The following HLF variants were observed in gnomAD, a reference collection of about 807,000 sequenced individuals.
The protein encoded by HLF is hepatic leukemia factor.
HLF carries 3 observed loss-of-function variants against 22.6 expected under a neutral mutation model. The ratio of observed to expected loss-of-function variants is 0.13; its 90% confidence interval spans 0.06 to 0.34. HLF has a LOEUF of 0.34. Among genes scored for constraint, HLF ranks in the 10% least tolerant of loss-of-function variants. The probability of loss-of-function intolerance (pLI) is 1.00; values close to 1 mark genes in which losing one functional copy is unlikely to be tolerated. For missense variants in HLF, 299 were observed against 389.2 expected (o/e 0.77, Z 1.95); for synonymous variants, 151 against 151.8 (o/e 0.99, Z 0.04).
chr17:55,282,227 A>C (rs1420515827), intron 2 of HLF, among the ~76,000 whole-genome samples: 1 of 152,242 alleles, frequency 6.6e-6, no homozygotes, highest in African/African-American at 2.4e-5. Context: ...TCTAAAATGC[A>C]CTTGTAGTTA....
At chr17:55,276,415 A>G (rs1253421096) in intron 2 of HLF, among the ~76,000 whole-genome samples, 7 of 152,238 alleles carry the variant, frequency 4.6e-5, no homozygotes, top group African/African-American at 1.7e-4. Context: ...ATTAATCAAG[A>G]AAATGAATAT....
intron 3 of HLF, among the ~76,000 whole-genome samples, chr17:55,317,062 G>A (rs991280588): frequency 6.4e-5 from 9 of 140,594 alleles, no homozygotes; most frequent in Admixed American, 1.5e-4. Flanking sequence ...CCGCCTCCCC[G>A]GTTCAAGCCA....
intron 2 of HLF, among the ~76,000 whole-genome samples, chr17:55,298,547 T>C (rs968157047): frequency 3.3e-5 from 5 of 152,204 alleles, no homozygotes; most frequent in African/African-American, 1.2e-4. Context: ...CTAATCTTAG[T>C]GCAAGCTGGA....
intron 2 of HLF, chr17:55,272,187 G>A (rs769811391): frequency 6.6e-6 from 1 of 152,354 alleles, no homozygotes; most frequent in Non-Finnish European, 1.5e-5. Flanking sequence ...TTTAGATACT[G>A]TCAGAGGTGG....
At chr17:55,308,556 AT>A (rs888408300) in intron 2 of HLF, among the ~76,000 whole-genome samples, 1 of 152,124 alleles carries the variant, frequency 6.6e-6, no homozygotes, top group Admixed American at 6.5e-5. Flanking sequence ...TTAGAGGGGC[AT>A]TTTTTGGGGG....
At chr17:55,277,155 C>G (rs1380712610) in intron 2 of HLF, among the ~76,000 whole-genome samples, 2 of 152,102 alleles carry the variant, frequency 1.3e-5, no homozygotes, top group Non-Finnish European at 2.9e-5. Context: ...AAACCCAACT[C>G]ATTAACGTTC....
chr17:55,296,821 T>C (rs2081115268), intron 2 of HLF, among the ~76,000 whole-genome samples: 1 of 152,190 alleles, frequency 6.6e-6, no homozygotes, highest in Non-Finnish European at 1.5e-5. Context: ...AGCTGTTTCC[T>C]CTTCCATTCA....
intron 2 of HLF, among the ~76,000 whole-genome samples, chr17:55,294,436 T>G (rs2081093797): frequency 6.6e-6 from 1 of 152,216 alleles, no homozygotes; most frequent in Non-Finnish European, 1.5e-5. Context: ...CTCCATGTGC[T>G]TTTCAGAGAC....
At chr17:55,265,870 G>T (rs961979832) in intron 1 of HLF, 61 of 1,226,342 alleles carry the variant, frequency 5.0e-5, no homozygotes, top group Non-Finnish European at 5.7e-5. Flanking sequence ...GCGCGGGTGG[G>T]AGGTGTAACT....
chr17:55,304,714 G>A (rs948131273), intron 2 of HLF, among the ~76,000 whole-genome samples: 2 of 152,180 alleles, frequency 1.3e-5, no homozygotes, highest in African/African-American at 4.8e-5. Context: ...AGGGAAATGG[G>A]AGCTGGGGAG....
chr17:55,319,705 G>A (rs1905196245), intron 3 of HLF, among the ~76,000 whole-genome samples: 1 of 152,018 alleles, frequency 6.6e-6, no homozygotes, highest in African/African-American at 2.4e-5. Context: ...ACATTGATTA[G>A]CGGCAGGTTG....
intron 1 of HLF, chr17:55,266,739 T>C: frequency 1.4e-6 from 1 of 705,030 alleles, no homozygotes; most frequent in Non-Finnish European, 1.7e-6. Context: ...TGTGTTTCTC[T>C]GAAGATGAAA....
chr17:55,273,737 G>C (rs565160739), intron 2 of HLF: 11 of 151,304 alleles, frequency 7.3e-5, no homozygotes, highest in African/African-American at 1.9e-4. Flanking sequence ...GCCCAACGCT[G>C]TGTGGTGTGC....
intron 2 of HLF, 54 bp downstream of exon 2, chr17:55,268,140 C>A: frequency 7.8e-7 from 1 of 1,285,574 alleles, no homozygotes; most frequent in Non-Finnish European, 1.1e-6. Context: ...GTGAATGGGA[C>A]AGGCAAGGTA....
intron 2 of HLF, among the ~76,000 whole-genome samples, chr17:55,292,271 A>G (rs539623724): frequency 6.6e-6 from 1 of 152,358 alleles, no homozygotes; most frequent in African/African-American, 2.4e-5. Flanking sequence ...TGAAAGGAAG[A>G]GTCAATTGAT....
At chr17:55,283,355 G>A (rs1175774250) in intron 2 of HLF, 1 of 152,296 alleles carries the variant, frequency 6.6e-6, no homozygotes, top group Non-Finnish European at 1.5e-5. Context: ...CTGAGGCTCG[G>A]TCTGGGCTCA....
intron 2 of HLF, among the ~76,000 whole-genome samples, chr17:55,277,274 T>TGTGTGTGTGTGC (rs71361764): frequency 2.6e-5 from 3 of 113,896 alleles, no homozygotes; most frequent in Admixed American, 1.0e-4. Flanking sequence ...TGTGTGTGTG[T>TGTGTGTGTGTGC]GCGCGCGCAT....
At chr17:55,284,983 A>C (rs547499574) in intron 2 of HLF, among the ~76,000 whole-genome samples, 1 of 152,308 alleles carries the variant, frequency 6.6e-6, no homozygotes, top group African/African-American at 2.4e-5. Context: ...TTTTGAGGCC[A>C]GTGGAGACCA....
chr17:55,309,705 T>A (rs183478548), intron 2 of HLF, among the ~76,000 whole-genome samples: 1 of 152,356 alleles, frequency 6.6e-6, no homozygotes, highest in Admixed American at 6.5e-5. Flanking sequence ...TAGAGGATAA[T>A]GTTATCAGCT....
Sources: allele counts gnomAD v4.1 joint callset (sites outside exome capture counted in the v4.1 genomes callset), GRCh38; gene constraint gnomAD v4.1.1; transcripts MANE v1.5; gene names NCBI Gene and HGNC (gene_info 2026-07-23, HGNC 2026-07-21).